Variants in MFAP3L observed in about 807,000 individuals in gnomAD.
The protein encoded by MFAP3L is microfibrillar-associated protein 3-like.
A neutral mutation model predicts 20.0 loss-of-function variants in MFAP3L; 5 were observed. The observed-to-expected ratio is 0.25, with a 90% CI of 0.13 to 0.53. The LOEUF (loss-of-function observed/expected upper bound fraction) is 0.53, where lower values mean the gene tolerates loss of function less well. MFAP3L is among the 20% of genes least tolerant of loss of function. The pLI is 0.96. For missense variants in MFAP3L, 409 were observed against 527.5 expected (o/e 0.78, Z 2.20); for synonymous variants, 219 against 213.0 (o/e 1.03, Z -0.25).
chr4:169,991,262 TCCTA>T lies in MFAP3L; in HGVS notation c.*112_*115del. The T allele has an allele frequency of 1.8e-6, 2 of 1,113,970 alleles. No individual in the cohort carries two copies. Among genetic ancestry groups the T allele is most frequent in the Non-Finnish European group, 1.3e-6 (1 of 780,830 alleles). The allele number at this position is 1,113,970 out of a possible 1,614,324, so 69.0% of individuals were successfully genotyped here. On this transcript the variant is annotated 3_prime_UTR_variant, in exon 3 of 3. Transcript: ENST00000361618. The surrounding 1 kb of genome is among the most constrained non-coding windows in gnomAD (Gnocchi z 4.9). ...GTTTCTCCTTTTAAAGTGGCATCACTCCTACCTAAGGGATGAGAGTCTCCTGGTA... is the reference window on the plus strand; with the variant it reads ...GTTTCTCCTTTTAAAGTGGCATCACTCCTAAGGGATGAGAGTCTCCTGGTA...
chr4:169,991,173 AC>A lies in MFAP3L; in HGVS notation c.*204del, dbSNP rs1737633520. On this transcript the variant is annotated 3_prime_UTR_variant, in exon 3 of 3. Transcript: ENST00000361618. This position sits in a 1 kb window ranked among gnomAD's most constrained non-coding sequence, Gnocchi z 4.9. The stretch of plus-strand genomic sequence containing the variant: ...ACCTTCTGTCTGGTATCAATTCTGC[AC>A]CCTGATGTTTCTCGCACCCTTCTCT... 2 of 597,296 alleles carry A rather than the reference AC, an allele frequency of 3.3e-6. No individual in the cohort carries two copies. Among genetic ancestry groups the A allele is most frequent in the African/African-American group, 1.9e-5 (1 of 53,846 alleles). The allele number at this position is 597,296 out of a possible 1,614,324, so 37.0% of individuals were successfully genotyped here. A position where few individuals can be genotyped will look rare whatever the true frequency, so the allele number is the denominator to read the frequency against.
intron 1 of MFAP3L, among the ~76,000 whole-genome samples, chr4:170,025,175 G>C (rs1328836955): frequency 6.6e-6 from 1 of 152,194 alleles, no homozygotes; most frequent in Non-Finnish European, 1.5e-5. Context: ...TAAAATGTCA[G>C]AAGAACTACA....
At chr4:169,995,291 T>C (rs551321238) in intron 2 of MFAP3L, among the ~76,000 whole-genome samples, 1 of 152,328 alleles carries the variant, frequency 6.6e-6, no homozygotes, top group East Asian at 1.9e-4. Context: ...TAAGGTCCCG[T>C]AGCCTCCAAG....
rs959704406 is a variant in MFAP3L, at chr4:169,988,538, T to G, written c.*2840A>C. ...CAAATGAGTCCAATGTGCACGAGTG[T>G]GTATGCACACACGTTCAGTCACACT... is the stretch of plus-strand genomic sequence containing the variant. On this transcript the variant is annotated 3_prime_UTR_variant, in exon 3 of 3. Coordinates refer to ENST00000361618, the MANE Select transcript of MFAP3L (RefSeq NM_021647.8). 2 of 152,222 alleles carry G rather than the reference T, an allele frequency of 1.3e-5. No homozygotes were observed. The highest frequency in any genetic ancestry group is 4.8e-5 in the African/African-American group (2 of 41,456). 9.4% of individuals were successfully genotyped at this position (152,222 alleles called of 1,614,324 possible). A position where few individuals can be genotyped will look rare whatever the true frequency, so the allele number is the denominator to read the frequency against.
chr4:169,994,699 T>C (rs558598218), intron 2 of MFAP3L: 22 of 309,362 alleles, frequency 7.1e-5, no homozygotes, highest in African/African-American at 4.1e-4. Context: ...TGGAATCAAA[T>C]GCAGTCTAAT....
Position 169,990,985 on chromosome 4 carries a change from T to C in MFAP3L, c.*393A>G, listed in dbSNP as rs998362836. On this transcript the variant is annotated 3_prime_UTR_variant, in exon 3 of 3. Transcript: ENST00000361618. ...AAAACCCACGTACGTGCATTTGCTA[T>C]TGTAGCAGACCTATACTTTTTAAAA... is the stretch of plus-strand genomic sequence containing the variant. 1.1e-4 allele frequency: 21 copies of C among 187,750 alleles called. No individual in the cohort carries two copies. The highest frequency in any genetic ancestry group is 2.0e-4 in the Non-Finnish European group (18 of 90,650). The allele number at this position is 187,750 out of a possible 1,614,324, so 11.6% of individuals were successfully genotyped here.
rs200494304 is a variant in MFAP3L, at chr4:169,990,728, G to GA, written c.*649dup. On this transcript the variant is annotated 3_prime_UTR_variant, in exon 3 of 3. Transcript: ENST00000361618. ...ATCTATGGAAATAGGCCTGGGGAATGAAAAAAAAATAACAAGCCTCGTAAC... is the reference window on the plus strand; with the variant it reads ...ATCTATGGAAATAGGCCTGGGGAATGAAAAAAAAAATAACAAGCCTCGTAAC... 19 of 150,892 alleles carry GA rather than the reference G, an allele frequency of 1.3e-4. No individual in the cohort carries two copies. The highest frequency in any genetic ancestry group is 1.5e-4 in the Non-Finnish European group (10 of 67,558). The allele number at this position is 150,892 out of a possible 1,614,324, so 9.3% of individuals were successfully genotyped here. A position where few individuals can be genotyped will look rare whatever the true frequency, so the allele number is the denominator to read the frequency against.
At chr4:169,996,681 A>C (rs1738193373) in intron 2 of MFAP3L, among the ~76,000 whole-genome samples, 1 of 152,112 alleles carries the variant, frequency 6.6e-6, no homozygotes, top group Non-Finnish European at 1.5e-5. Flanking sequence ...CCACTAGAAA[A>C]CCGAGAAGGG....
rs770320387 is a variant in MFAP3L, at chr4:170,005,566, A to G, written c.298+14T>C. 2.5e-6 allele frequency: 4 copies of G among 1,611,524 alleles called. No individual in the cohort carries two copies. Among genetic ancestry groups the G allele is most frequent in the Non-Finnish European group, 3.4e-6 (4 of 1,177,938 alleles). On this transcript the variant is annotated intron_variant, in intron 2 of 2. Coordinates refer to ENST00000361618, the MANE Select transcript of MFAP3L (RefSeq NM_021647.8). ...ATATTTTATTATGACATTTGATACA[A>G]CTTTAAAGCCTACCTCCTCCTCTCT...
intron 1 of MFAP3L, among the ~76,000 whole-genome samples, chr4:170,008,609 G>A: frequency 6.6e-6 from 1 of 152,094 alleles, no homozygotes; most frequent in East Asian, 1.9e-4. Context: ...GGAAGGAGGG[G>A]CACCGAACAG....
intron 2 of MFAP3L, chr4:170,003,585 G>T: frequency 1.5e-6 from 1 of 655,972 alleles, no homozygotes; most frequent in Non-Finnish European, 1.9e-6. Flanking sequence ...TCAGGCCCCA[G>T]TGCTATGCTA....
rs774685370 is a variant in MFAP3L, at chr4:169,991,424, A to C, written c.1184T>G (p.Val395Gly). ...AATGCAGGTGTTTTTGTCATGTGTC[A>C]CTGCTGGCTCTGTGGCTTCCAGGTA... The part of the protein sequence containing the change: ...PAYLEATEPA[V>G]THDKNTCIIY... Residue 395 changes from valine to glycine, a missense_variant, in exon 3 of 3, where the codon GTG (valine) becomes GGG (glycine). This residue lies in a region of MFAP3L where 169 missense variants were observed against 178.2 expected (regional missense o/e 0.95). Transcript: ENST00000361618. The surrounding 1 kb of genome is among the most constrained non-coding windows in gnomAD (Gnocchi z 4.9). 6.2e-6 allele frequency: 10 copies of C among 1,614,086 alleles called. No individual in the cohort carries two copies. Among genetic ancestry groups the C allele is most frequent in the Non-Finnish European group, 8.5e-6 (10 of 1,180,014 alleles).
At chr4:170,005,211 G>A (rs1738951190) in intron 2 of MFAP3L, 1 of 266,034 alleles carries the variant, frequency 3.8e-6, no homozygotes, top group African/African-American at 2.2e-5. Flanking sequence ...GATAAACAAT[G>A]GCTATATTGT....
intron 1 of MFAP3L, 105 bp from the exon 2 acceptor site, chr4:170,006,115 C>T (rs892247137): frequency 3.6e-4 from 221 of 605,876 alleles, no homozygotes; most frequent in Non-Finnish European, 4.6e-4. Flanking sequence ...CATCAACATA[C>T]TTTTTTTTTT....
intron 1 of MFAP3L, among the ~76,000 whole-genome samples, chr4:170,014,815 T>G (rs1325726164): frequency 6.6e-6 from 1 of 152,206 alleles, no homozygotes; most frequent in East Asian, 1.9e-4. Context: ...AAACTCCCTT[T>G]TCTGGAACTG....
Position 169,997,664 on chromosome 4 carries a change from T to C in MFAP3L, c.299-5355A>G, listed in dbSNP as rs561526349. 6.7e-5 allele frequency: 65 copies of C among 965,548 alleles called. No individual in the cohort carries two copies. In the Middle Eastern group the frequency reaches 2.7e-3, roughly 40 times the overall value. The allele number at this position is 965,548 out of a possible 1,614,324, so 59.8% of individuals were successfully genotyped here. On this transcript the variant is annotated intron_variant, in intron 2 of 2. Transcript: ENST00000361618. Reference sequence around the variant, plus strand: ...TAAAGGGGAGTCGCTAGTGACATTGTTGGCAGTGGAAAGTGACGGCTGCCT... The same window carrying C: ...TAAAGGGGAGTCGCTAGTGACATTGCTGGCAGTGGAAAGTGACGGCTGCCT...
intron 1 of MFAP3L, 144 bp downstream of exon 1, chr4:170,026,090 C>T: frequency 3.0e-6 from 1 of 328,004 alleles, no homozygotes; most frequent in Non-Finnish European, 4.4e-6. Context: ...TGCGGCGTCT[C>T]GCAGCGCAGC....
rs1037383193 is a variant in MFAP3L at position 169,992,452 on chromosome 4, C to T, written c.299-143G>A. The stretch of plus-strand genomic sequence containing the variant: ...ACGTCGACTTCACATGCTTACTATG[C>T]GGCAGGCAGTGACATGCATCAGCTC... On this transcript the variant is annotated intron_variant, in intron 2 of 2. Transcript: ENST00000361618. The surrounding 1 kb of genome is among the most constrained non-coding windows in gnomAD (Gnocchi z 4.3). 8 of 719,426 alleles carry T rather than the reference C, an allele frequency of 1.1e-5. No homozygotes were observed. The African/African-American group carries it at 1.2e-4, about 11-fold the overall frequency. 44.6% of individuals were successfully genotyped at this position (719,426 alleles called of 1,614,324 possible).
chr4:169,992,197 C>T lies in MFAP3L; in HGVS notation c.411G>A (p.Thr137=), dbSNP rs762370273. Residue 137 remains threonine (T), a synonymous_variant, in exon 3 of 3, where the codon ACG becomes ACA. Coordinates refer to ENST00000361618, the MANE Select transcript of MFAP3L (RefSeq NM_021647.8). This position sits in a 1 kb window ranked among gnomAD's most constrained non-coding sequence, Gnocchi z 4.3. ...AAGTGAAGATGACGCGCAAGGTCAC[C>T]GTGTTGTTCACGGTGCCGTAGATGT... ...ASNIYGTVNN[T]VTLRVIFTSG... is the part of the protein sequence containing the mutation. The T allele has an allele frequency of 6.2e-6, 10 of 1,613,938 alleles. 1 individual carries two copies. The African/African-American group carries it at 8.0e-5, about 13-fold the overall frequency.
Sources: allele counts gnomAD v4.1 joint callset (sites outside exome capture counted in the v4.1 genomes callset), GRCh38; gene constraint gnomAD v4.1.1; regional missense constraint gnomAD v4.1.1; non-coding constraint Gnocchi (gnomAD v3.1); transcripts MANE v1.5; gene names NCBI Gene and HGNC (gene_info 2026-07-23, HGNC 2026-07-21).